Variants in CELF4 observed in about 807,000 individuals in gnomAD.
CELF4 encodes CUGBP Elav-like family member 4, also known as CUG-BP- and ETR-3-like factor 4.
A neutral mutation model predicts 59.9 loss-of-function variants in CELF4; 18 were observed. That is an observed-to-expected ratio of 0.30 (90% CI 0.21 to 0.45). The LOEUF (loss-of-function observed/expected upper bound fraction) is 0.45, where lower values mean the gene tolerates loss of function less well. CELF4 is among the 20% of genes least tolerant of loss of function. The pLI is 1.00. For missense variants in CELF4, 456 were observed against 689.0 expected, an observed-to-expected ratio of 0.66 and a Z score of 3.79; for synonymous variants, 261 against 267.1, an observed-to-expected ratio of 0.98 and a Z score of 0.22.
At chr18:37,401,011 G>T (rs1298694963) in intron 2 of CELF4, among the ~76,000 whole-genome samples, 16 of 152,206 alleles carry the variant, frequency 1.1e-4, no homozygotes, top group Non-Finnish European at 1.5e-5. Flanking sequence ...AGGGGCCCTG[G>T]GGGCTGGCTC....
At chr18:37,410,523 C>T (rs1478588801) in intron 2 of CELF4, among the ~76,000 whole-genome samples, 2 of 152,198 alleles carry the variant, frequency 1.3e-5, no homozygotes, top group African/African-American at 4.8e-5. Context: ...CCTGTGTGTT[C>T]GTGTGTGCGT....
At chr18:37,477,854 G>A (rs539204481) in intron 2 of CELF4, among the ~76,000 whole-genome samples, 2 of 152,258 alleles carry the variant, frequency 1.3e-5, no homozygotes, top group East Asian at 3.9e-4. Context: ...CGCTGACTTG[G>A]GTGATGGCAG....
intron 2 of CELF4, among the ~76,000 whole-genome samples, chr18:37,349,825 A>G (rs2098401690): frequency 6.6e-6 from 1 of 152,192 alleles, no homozygotes; most frequent in Non-Finnish European, 1.5e-5. Flanking sequence ...GCAGGACAGC[A>G]GGTGCAAAGG....
intron 2 of CELF4, among the ~76,000 whole-genome samples, chr18:37,436,686 G>A (rs1254146285): frequency 6.6e-6 from 1 of 152,174 alleles, no homozygotes; most frequent in East Asian, 1.9e-4. Context: ...TTCAGAAACT[G>A]TTCCTGCAGC....
chr18:37,397,429 C>A (rs573367222), intron 2 of CELF4, among the ~76,000 whole-genome samples: 3 of 152,152 alleles, frequency 2.0e-5, no homozygotes, highest in Non-Finnish European at 1.5e-5. Flanking sequence ...AGGGCAGGAC[C>A]ATCTGGGTTG....
chr18:37,339,336 T>A (rs1025494058), intron 2 of CELF4, among the ~76,000 whole-genome samples: 21 of 152,196 alleles, frequency 1.4e-4, no homozygotes, highest in Non-Finnish European at 2.9e-4. Context: ...AGTGGGGGCT[T>A]GGCTTGCGCC....
rs2099056954 is a variant in CELF4 at position 37,382,927 on chromosome 18, T to A, written c.370-61046A>T. Among the ~76,000 whole-genome samples the A allele has an allele frequency of 2.6e-5, 4 of 152,256 alleles. No homozygotes were observed. The South Asian group carries it at 8.3e-4, about 32-fold the overall frequency. On this transcript the variant is annotated intron_variant, in intron 2 of 12. Transcript: ENST00000420428. ...AGTGTGGCCCACTCCTACTCCTGGGTGGCCTGGTCATTCCAGTTCCCATCG... is the reference window on the plus strand; with the variant it reads ...AGTGTGGCCCACTCCTACTCCTGGGAGGCCTGGTCATTCCAGTTCCCATCG...
At chr18:37,561,309 C>T (rs973825717) in intron 1 of CELF4, among the ~76,000 whole-genome samples, 1 of 152,150 alleles carries the variant, frequency 6.6e-6, no homozygotes, top group African/African-American at 2.4e-5. Flanking sequence ...TGGACTTGGC[C>T]GTTTAGATTA....
intron 2 of CELF4, among the ~76,000 whole-genome samples, chr18:37,356,713 A>G (rs2098592369): frequency 6.6e-6 from 1 of 152,206 alleles, no homozygotes; most frequent in African/African-American, 2.4e-5. Context: ...CAATAATCCC[A>G]AAAGCTATTA....
At chr18:37,391,509 G>T (rs114664533) in intron 2 of CELF4, among the ~76,000 whole-genome samples, 1,921 of 152,302 alleles carry the variant, frequency 0.013, 30 homozygotes, top group African/African-American at 0.042. Context: ...GTGCTGGAGT[G>T]GTCCTGTCTT....
chr18:37,309,372 G>C (rs1444326749), intron 3 of CELF4, among the ~76,000 whole-genome samples: 2 of 152,148 alleles, frequency 1.3e-5, no homozygotes, highest in Non-Finnish European at 2.9e-5. Context: ...AATTGTGCAG[G>C]GCTGCTGTAA....
At chr18:37,408,492 C>CGGGGGG (rs200662747) in intron 2 of CELF4, among the ~76,000 whole-genome samples, 1 of 112,266 alleles carries the variant, frequency 8.9e-6, no homozygotes, top group Admixed American at 9.3e-5. Flanking sequence ...TGGTTGGTGC[C>CGGGGGG]GGGGGGGGGC....
intron 2 of CELF4, among the ~76,000 whole-genome samples, chr18:37,466,164 G>A (rs754817243): frequency 1.2e-4 from 18 of 152,340 alleles, no homozygotes; most frequent in Non-Finnish European, 2.2e-4. Flanking sequence ...AAAGCCAAGC[G>A]CGAGACAGCA....
intron 2 of CELF4, among the ~76,000 whole-genome samples, chr18:37,433,737 A>C (rs1234364692): frequency 6.6e-6 from 1 of 152,128 alleles, no homozygotes; most frequent in East Asian, 1.9e-4. Context: ...AGTGAGTCTG[A>C]GGATGGACCA....
intron 9 of CELF4, chr18:37,266,228 C>G (rs912813646): frequency 1.9e-6 from 1 of 517,078 alleles, no homozygotes; most frequent in South Asian, 2.1e-5. Context: ...CAAAGTGGCC[C>G]TGGAAGCTCC....
intron 11 of CELF4, among the ~76,000 whole-genome samples, chr18:37,256,706 T>C (rs543313747): frequency 1.6e-4 from 24 of 152,224 alleles, no homozygotes; most frequent in African/African-American, 5.3e-4. Flanking sequence ...TGCCTCTACC[T>C]CCTGAGTAGG....
At position 37,271,437 on chromosome 18, in the gene CELF4, G is replaced by A. The variant is rs564793534; in HGVS notation, c.950-520C>T. On this transcript the variant is annotated intron_variant, in intron 7 of 12. Coordinates refer to ENST00000420428, the MANE Select transcript of CELF4 (RefSeq NM_020180.4). ...GCCCAGCTAATTTTTGTATTTTTTA[G>A]TAGGGTTGGGGTTTCGCCATGTTGG... is the stretch of plus-strand genomic sequence containing the variant. Among the ~76,000 whole-genome samples the A allele has an allele frequency of 1.5e-4, 23 of 152,060 alleles. No homozygotes were observed. The East Asian group carries it at 4.5e-3, about 29-fold the overall frequency.
intron 2 of CELF4, among the ~76,000 whole-genome samples, chr18:37,344,704 G>A (rs928165892): frequency 1.3e-5 from 2 of 152,192 alleles, no homozygotes; most frequent in African/African-American, 4.8e-5. Flanking sequence ...CTAACCCCAT[G>A]TTACATGTTG....
chr18:37,411,531 C>T (rs2099457826), intron 2 of CELF4, among the ~76,000 whole-genome samples: 1 of 152,166 alleles, frequency 6.6e-6, no homozygotes, highest in Non-Finnish European at 1.5e-5. Context: ...CATGGGGTGA[C>T]TTATTCATGA....
Sources: gnomAD v4.1 joint callset for allele counts (sites outside exome capture counted in the v4.1 genomes callset) on GRCh38, gnomAD v4.1.1 for gene constraint, MANE v1.5 for transcripts, NCBI Gene and HGNC (gene_info 2026-07-23, HGNC 2026-07-21) for gene names.